The following SPRED2 variants were observed in gnomAD, a reference collection of about 807,000 sequenced individuals.
SPRED2 encodes the protein sprouty-related, EVH1 domain-containing protein 2.
A neutral mutation model predicts 43.0 loss-of-function variants in SPRED2; 47 were observed. The observed-to-expected ratio is 1.09, with a 90% confidence interval of 0.87 to 1.40. The LOEUF (loss-of-function observed/expected upper bound fraction) is 1.40. Ranked by LOEUF, SPRED2 falls within the 40% of genes most tolerant of loss-of-function variation. The probability of loss-of-function intolerance (pLI) is 0.00; values close to 1 mark genes in which losing one functional copy is unlikely to be tolerated. For synonymous variants in SPRED2, 225 were observed against 225.7 expected, an observed-to-expected ratio of 1.00 and a Z score of 0.03; for missense variants, 561 against 586.4, an observed-to-expected ratio of 0.96 and a Z score of 0.45.
intron 1 of SPRED2, among the ~76,000 whole-genome samples, chr2:65,396,796 A>T (rs1044405994): frequency 2.6e-5 from 4 of 152,132 alleles, no homozygotes; most frequent in Non-Finnish European, 5.9e-5. Context: ...CAAATAAGTC[A>T]CCCTGCTCTG....
At position 65,311,542 on chromosome 2, in the gene SPRED2, A is replaced by G; in HGVS notation, c.*1959T>C. On this transcript the variant is annotated 3_prime_UTR_variant, in exon 6 of 6. Coordinates refer to ENST00000356388, the MANE Select transcript of SPRED2 (RefSeq NM_181784.3). Reference sequence around the variant, plus strand: ...GCTTTGTAGAGAAGAGACCCTAGAGAAAGACCCCAAGGAAGTGCCTCCGGG... The same window carrying G: ...GCTTTGTAGAGAAGAGACCCTAGAGGAAGACCCCAAGGAAGTGCCTCCGGG... The G allele has an allele frequency of 2.0e-6, 2 of 985,860 alleles. No homozygotes were observed. The highest frequency in any genetic ancestry group is 2.4e-6 in the Non-Finnish European group (2 of 829,938). The allele number at this position is 985,860 out of a possible 1,614,324, so 61.1% of individuals were successfully genotyped here. A position where few individuals can be genotyped will look rare whatever the true frequency, so the allele number is the denominator to read the frequency against.
intron 5 of SPRED2, 103 bp from the exon 6 acceptor site, chr2:65,314,272 T>C: frequency 9.0e-7 from 1 of 1,107,598 alleles, no homozygotes; most frequent in Non-Finnish European, 1.3e-6. Flanking sequence ...AAAATGCACC[T>C]TTCTCGATAA....
rs1417313757 is a variant in SPRED2, at chr2:65,432,499, C to T, written c.-512G>A. The T allele has an allele frequency of 1.3e-5, 2 of 155,490 alleles. No homozygotes were observed. Among genetic ancestry groups the T allele is most frequent in the East Asian group, 3.9e-4 (2 of 5,194 alleles). The allele number at this position is 155,490 out of a possible 1,614,324, so 9.6% of individuals were successfully genotyped here. A position where few individuals can be genotyped will look rare whatever the true frequency, so the allele number is the denominator to read the frequency against. On this transcript the variant is annotated 5_prime_UTR_variant, in exon 1 of 6. Transcript: ENST00000356388. ...CCCGTCCGAGCCCCATCTCTCGACT[C>T]CACCGATTTACTCCATATTGGATTC...
chr2:65,323,736 C>T (rs574878678), intron 4 of SPRED2, among the ~76,000 whole-genome samples: 221 of 151,976 alleles, frequency 1.5e-3, no homozygotes, highest in Middle Eastern at 0.01. Flanking sequence ...ATTAGCTGGG[C>T]GTGGTGGCAG....
chr2:65,431,310 G>A (rs981729018), intron 1 of SPRED2, among the ~76,000 whole-genome samples: 1 of 151,338 alleles, frequency 6.6e-6, no homozygotes, highest in Non-Finnish European at 1.5e-5. Flanking sequence ...CCCGCAGGAC[G>A]CGTGTGCCGG....
intron 1 of SPRED2, among the ~76,000 whole-genome samples, chr2:65,417,468 G>A (rs1309073343): frequency 6.6e-6 from 1 of 152,152 alleles, no homozygotes; most frequent in Admixed American, 6.5e-5. Flanking sequence ...TACACAAGAA[G>A]AGCATCTGGG....
In SPRED2 at chr2:65,311,512, G is replaced by A; in HGVS notation, c.*1989C>T. The stretch of plus-strand genomic sequence containing the variant: ...GAGGTCTAAGGAAACGAACATTAGT[G>A]TTGTGCTTTGTAGAGAAGAGACCCT... On this transcript the variant is annotated 3_prime_UTR_variant, in exon 6 of 6. Coordinates refer to ENST00000356388, the MANE Select transcript of SPRED2 (RefSeq NM_181784.3). 1.0e-6 allele frequency: 1 copy of A among 985,888 alleles called. No individual in the cohort carries two copies. The highest frequency in any genetic ancestry group is 1.2e-6 in the Non-Finnish European group (1 of 829,938). 61.1% of individuals were successfully genotyped at this position (985,888 alleles called of 1,614,324 possible).
intron 1 of SPRED2, among the ~76,000 whole-genome samples, chr2:65,422,714 C>T (rs766592249): frequency 6.6e-6 from 1 of 152,116 alleles, no homozygotes; most frequent in Non-Finnish European, 1.5e-5. Context: ...TTCCTTAGTA[C>T]AAAAGACATC....
chr2:65,360,200 G>C (rs1375926986), intron 1 of SPRED2, among the ~76,000 whole-genome samples: 1 of 151,632 alleles, frequency 6.6e-6, no homozygotes, highest in Non-Finnish European at 1.5e-5. Flanking sequence ...CTGACAGGTG[G>C]AAGGGCCCTC....
intron 1 of SPRED2, among the ~76,000 whole-genome samples, chr2:65,371,498 G>A (rs565227648): frequency 6.6e-6 from 1 of 152,312 alleles, no homozygotes; most frequent in Middle Eastern, 3.4e-3. Context: ...AAATACTGAT[G>A]AGAATGATGA....
At chr2:65,355,562 C>CA (rs1433452420) in intron 1 of SPRED2, among the ~76,000 whole-genome samples, 1 of 152,066 alleles carries the variant, frequency 6.6e-6, no homozygotes, top group Non-Finnish European at 1.5e-5. Context: ...ATCAAAAATA[C>CA]AAAAAAGTAG....
At chr2:65,429,529 CA>C (rs1394163698) in intron 1 of SPRED2, among the ~76,000 whole-genome samples, 1 of 152,120 alleles carries the variant, frequency 6.6e-6, no homozygotes, top group Non-Finnish European at 1.5e-5. Flanking sequence ...AATAAAACAA[CA>C]AAAAAGCAAT....
intron 1 of SPRED2, among the ~76,000 whole-genome samples, chr2:65,401,937 G>GCGCGCGCGCGCGCACACACA (rs776512353): frequency 1.0e-4 from 12 of 114,708 alleles, no homozygotes; most frequent in African/African-American, 3.0e-4. Context: ...GCGCGCGCGC[G>GCGCGCGCGCGCGCACACACA]CACACACACA....
intron 1 of SPRED2, among the ~76,000 whole-genome samples, chr2:65,350,871 G>C (rs1440260686): frequency 6.6e-6 from 1 of 152,234 alleles, no homozygotes; most frequent in Non-Finnish European, 1.5e-5. Context: ...CAAAGAATGT[G>C]TGCTCTAGGG....
chr2:65,347,014 G>A (rs1674368872), intron 1 of SPRED2, among the ~76,000 whole-genome samples: 1 of 152,094 alleles, frequency 6.6e-6, no homozygotes, highest in African/African-American at 2.4e-5. Flanking sequence ...AGCCATTCAT[G>A]CCCAGGTCAA....
At chr2:65,314,404 C>T (rs1673175811) in intron 5 of SPRED2, among the ~76,000 whole-genome samples, 1 of 152,146 alleles carries the variant, frequency 6.6e-6, no homozygotes, top group South Asian at 2.1e-4. Flanking sequence ...AAATCAATTT[C>T]GTGGGTTGAG....
At chr2:65,420,643 T>C (rs1676401173) in intron 1 of SPRED2, among the ~76,000 whole-genome samples, 1 of 152,176 alleles carries the variant, frequency 6.6e-6, no homozygotes, top group Non-Finnish European at 1.5e-5. Flanking sequence ...TCAGGAGAAT[T>C]AGGGAGAACT....
downstream of SPRED2, among the ~76,000 whole-genome samples, chr2:65,309,344 A>G (rs1417529008): frequency 6.6e-6 from 1 of 151,710 alleles, no homozygotes; most frequent in Non-Finnish European, 1.5e-5. Flanking sequence ...CTATGAAAAA[A>G]ATTTAAAAAC....
intron 1 of SPRED2, among the ~76,000 whole-genome samples, chr2:65,414,282 G>A (rs1439671147): frequency 6.6e-6 from 1 of 152,220 alleles, no homozygotes; most frequent in East Asian, 1.9e-4. Flanking sequence ...AAAGGAGGAA[G>A]GGCTGCCTTG....
Sources: gnomAD v4.1 joint callset for allele counts (sites outside exome capture counted in the v4.1 genomes callset) on GRCh38, gnomAD v4.1.1 for gene constraint, MANE v1.5 for transcripts, NCBI Gene and HGNC (gene_info 2026-07-23, HGNC 2026-07-21) for gene names.